MYO5B: variants seen among roughly 807,000 people sequenced by gnomAD.
MYO5B encodes unconventional myosin-Vb.
Under a neutral mutation model 229.3 loss-of-function variants are expected in MYO5B, and 143 were observed. The observed-to-expected ratio is 0.62, with a 90% CI of 0.54 to 0.72. The LOEUF is 0.72. Among genes scored for constraint, MYO5B ranks in the 30% least tolerant of loss-of-function variants. The pLI, the probability that MYO5B is intolerant of heterozygous loss-of-function variation, is 0.00. For missense variants in MYO5B, 2,321 were observed against 2,331.0 expected (o/e 1.00, Z 0.09); for synonymous variants, 918 against 885.2 (o/e 1.04, Z -0.66).
intron 1 of MYO5B, among the ~76,000 whole-genome samples, chr18:50,103,781 C>T (rs1599022711): frequency 6.6e-6 from 1 of 151,788 alleles, no homozygotes; most frequent in African/African-American, 2.4e-5. Context: ...ATTCCAAACA[C>T]CTAGGAACTC....
chr18:50,003,122 T>C (rs542769491), intron 4 of MYO5B, among the ~76,000 whole-genome samples: 23 of 152,256 alleles, frequency 1.5e-4, no homozygotes, highest in South Asian at 6.2e-4. Flanking sequence ...ATGAGGTAGC[T>C]GAGATGAAAA....
At chr18:49,893,454 G>T (rs1256693542) in intron 22 of MYO5B, among the ~76,000 whole-genome samples, 1 of 152,164 alleles carries the variant, frequency 6.6e-6, no homozygotes, top group African/African-American at 2.4e-5. Context: ...TCCATGATTT[G>T]TAGGTTACAA....
intron 12 of MYO5B, among the ~76,000 whole-genome samples, chr18:49,960,526 A>G (rs7239281): frequency 0.13 from 20,464 of 152,270 alleles, 1,903 homozygotes; most frequent in African/African-American, 0.26. Flanking sequence ...TCACTGAAGC[A>G]TACAGTTCAG....
At chr18:49,957,740 C>T (rs541572245) in intron 12 of MYO5B, among the ~76,000 whole-genome samples, 10 of 151,810 alleles carry the variant, frequency 6.6e-5, no homozygotes, top group East Asian at 1.9e-4. Context: ...CTTCTTTTCT[C>T]GTCCCTGTCT....
At chr18:50,050,531 G>A (rs1192463801) in intron 2 of MYO5B, among the ~76,000 whole-genome samples, 1 of 152,212 alleles carries the variant, frequency 6.6e-6, no homozygotes, top group African/African-American at 2.4e-5. Flanking sequence ...GTGTTGCAGA[G>A]GGCATTAAAT....
intron 1 of MYO5B, among the ~76,000 whole-genome samples, chr18:50,101,765 T>C (rs902777153): frequency 2.6e-5 from 4 of 152,094 alleles, no homozygotes; most frequent in Admixed American, 1.3e-4. Context: ...TGTGGAGAAA[T>C]AGGAATGCTT....
At chr18:50,119,151 C>T (rs1222265871) in intron 1 of MYO5B, among the ~76,000 whole-genome samples, 1 of 152,236 alleles carries the variant, frequency 6.6e-6, no homozygotes, top group African/African-American at 2.4e-5. Context: ...TCCCCACTTA[C>T]TGATTCTGCA....
intron 29 of MYO5B, among the ~76,000 whole-genome samples, chr18:49,862,887 T>G: frequency 6.7e-6 from 1 of 148,856 alleles, no homozygotes; most frequent in African/African-American, 2.5e-5. Flanking sequence ...TGCTGCCAGT[T>G]AGCCACCCCC....
At chr18:49,947,057 C>G (rs1056695333) in intron 14 of MYO5B, among the ~76,000 whole-genome samples, 10 of 149,978 alleles carry the variant, frequency 6.7e-5, no homozygotes, top group Non-Finnish European at 1.3e-4. Flanking sequence ...AGTGTCCCAA[C>G]TATACACAAG....
At chr18:50,190,351 C>T (rs2033210322) in intron 1 of MYO5B, among the ~76,000 whole-genome samples, 1 of 152,182 alleles carries the variant, frequency 6.6e-6, no homozygotes, top group African/African-American at 2.4e-5. Flanking sequence ...ATTGTCTTTT[C>T]CAATGGGTTG....
At chr18:49,962,845 G>T in intron 11 of MYO5B, 104 bp downstream of exon 11, 3 of 977,300 alleles carry the variant, frequency 3.1e-6, no homozygotes, top group South Asian at 1.3e-5. Context: ...ATATCAGAAC[G>T]TAGCCAGGGC....
intron 1 of MYO5B, among the ~76,000 whole-genome samples, chr18:50,153,745 C>T (rs904661188): frequency 9.2e-5 from 14 of 152,238 alleles, no homozygotes; most frequent in African/African-American, 2.6e-4. Context: ...TCACTGTGCC[C>T]GGCCTCACTT....
Position 49,843,406 on chromosome 18 carries a change from G to A in MYO5B, c.4460-14C>T. 2 of 1,614,138 alleles carry A rather than the reference G, an allele frequency of 1.2e-6. No homozygotes were observed. The highest frequency in any genetic ancestry group is 8.5e-7 in the Non-Finnish European group (1 of 1,180,022). On this transcript the variant is annotated splice_polypyrimidine_tract_variant and intron_variant, in intron 33 of 39. Transcript: ENST00000285039. ...GGGGCTTCAAGTCTAAGGGCAACGA[G>A]AGCAGCAAATGGCAAGTTAGATCTA...
intron 5 of MYO5B, among the ~76,000 whole-genome samples, chr18:49,999,373 C>T (rs561363243): frequency 1.3e-5 from 2 of 152,368 alleles, no homozygotes; most frequent in South Asian, 4.1e-4. Context: ...AGGCCACAGT[C>T]CACAAACGGC....
Position 50,117,713 on chromosome 18 carries a change from A to G in MYO5B, c.28-62335T>C, listed in dbSNP as rs142892335. Among the ~76,000 whole-genome samples the G allele has an allele frequency of 3.3e-3, 498 of 152,322 alleles. 4 individuals carry two copies. The highest frequency in any genetic ancestry group is 0.011 in the African/African-American group (467 of 41,572). On this transcript the variant is annotated intron_variant, in intron 1 of 39. Transcript: ENST00000285039. ...ACAGCAGGAGAGAAAGAAAAGCTAC[A>G]GGCAGACCCAAACAGCTTCCCAGCT...
chr18:49,941,845 A>G (rs1266529133), intron 14 of MYO5B, among the ~76,000 whole-genome samples: 2 of 145,126 alleles, frequency 1.4e-5, no homozygotes, highest in Non-Finnish European at 1.5e-5. Context: ...TTCATATGGA[A>G]CCAAAAAAGA....
intron 1 of MYO5B, among the ~76,000 whole-genome samples, chr18:50,158,166 CA>C (rs1343971349): frequency 6.6e-6 from 1 of 152,178 alleles, no homozygotes; most frequent in Non-Finnish European, 1.5e-5. Flanking sequence ...CATCAATAAG[CA>C]AGCTGTATTA....
chr18:49,871,111 A>G (rs1450910813), intron 27 of MYO5B, among the ~76,000 whole-genome samples: 1 of 152,250 alleles, frequency 6.6e-6, no homozygotes, highest in Non-Finnish European at 1.5e-5. Flanking sequence ...TTTTAAAAGA[A>G]GATGGACACA....
chr18:49,857,044 T>C (rs2024271540), intron 29 of MYO5B, among the ~76,000 whole-genome samples, 154 bp from the exon 30 acceptor site: 1 of 152,194 alleles, frequency 6.6e-6, no homozygotes, highest in African/African-American at 2.4e-5. Flanking sequence ...TCCTCTCCTG[T>C]CACCTGCAAA....
Sources: allele counts gnomAD v4.1 joint callset (sites outside exome capture counted in the v4.1 genomes callset), GRCh38; gene constraint gnomAD v4.1.1; transcripts MANE v1.5; gene names NCBI Gene and HGNC (gene_info 2026-07-23, HGNC 2026-07-21).